MBP: variants seen among roughly 807,000 people sequenced by gnomAD.
MBP encodes Golli-MBP.
A neutral mutation model predicts 35.8 loss-of-function variants in MBP; 16 were observed. The observed-to-expected ratio is 0.45, with a 90% confidence interval of 0.30 to 0.68. MBP has a LOEUF of 0.68. Among genes scored for constraint, MBP ranks in the 30% least tolerant of loss-of-function variants. MBP has a pLI of 0.08. For synonymous variants in MBP, 143 were observed against 159.6 expected, an observed-to-expected ratio of 0.90 and a Z score of 0.78; for missense variants, 380 against 404.7, an observed-to-expected ratio of 0.94 and a Z score of 0.52.
intron 2 of MBP, among the ~76,000 whole-genome samples, chr18:77,093,880 C>T (rs1420542302): frequency 6.6e-6 from 1 of 152,220 alleles, no homozygotes. Context: ...AGTACCATGC[C>T]TTACGCTCAT....
chr18:77,036,476 G>C (rs571647405), intron 3 of MBP, among the ~76,000 whole-genome samples: 1 of 101,668 alleles, frequency 9.8e-6, no homozygotes, highest in South Asian at 4.1e-4. Context: ...ACATTTTGGA[G>C]GACTGAGCTG....
intron 1 of MBP, among the ~76,000 whole-genome samples, chr18:77,118,545 A>G (rs1976771147): frequency 6.6e-6 from 1 of 151,782 alleles, no homozygotes; most frequent in Admixed American, 6.6e-5. Context: ...ACAGACAGAG[A>G]CAGTGCGGAA....
chr18:77,127,208 G>A (rs1977078570), intron 1 of MBP: 1 of 152,188 alleles, frequency 6.6e-6, no homozygotes, highest in Non-Finnish European at 1.5e-5. Flanking sequence ...ACAGAATAGA[G>A]AACCCAGAAA....
At position 77,121,309 on chromosome 18, in the gene MBP, C is replaced by CAA. The variant is rs11331748; in HGVS notation, c.-26+11269_-26+11270dup. ...TGGGCAACAGAGGGAGACTGTGTCTCAAAAAAAAAAAAATAAATAAATAAG... is the reference window on the plus strand; with the variant it reads ...TGGGCAACAGAGGGAGACTGTGTCTCAAAAAAAAAAAAAAATAAATAAATAAG... On this transcript the variant is annotated intron_variant, in intron 1 of 8. Coordinates refer to ENST00000355994, the MANE Select transcript of MBP (RefSeq NM_001025101.2). Among the ~76,000 whole-genome samples the CAA allele has an allele frequency of 5.2e-4, 75 of 143,744 alleles. No homozygotes were observed. The East Asian group carries it at 7.9e-3, about 15-fold the overall frequency. The allele number at this position is 143,744 out of a possible 152,430, so 94.3% of individuals were successfully genotyped here. A position where few individuals can be genotyped will look rare whatever the true frequency, so the allele number is the denominator to read the frequency against.
intron 2 of MBP, among the ~76,000 whole-genome samples, chr18:77,098,910 ACCCCCTCCCCTCTTCCTT>A (rs1272325036): frequency 1.4e-5 from 2 of 147,562 alleles, no homozygotes; most frequent in Non-Finnish European, 3.0e-5. Flanking sequence ...CTGACCCACT[ACCCCCTCCCCTCTTCCTT>A]CCCCCTCCCT....
intron 3 of MBP, among the ~76,000 whole-genome samples, chr18:77,018,865 TATCCATCCATCC>T (rs200121847): frequency 0.071 from 8,914 of 125,126 alleles, 363 homozygotes; most frequent in East Asian, 0.17. Flanking sequence ...CTCATCCATC[TATCCATCCATCC>T]ATCCATCCAT....
intron 2 of MBP, among the ~76,000 whole-genome samples, chr18:77,081,846 A>ATG (rs1974946548): frequency 2.0e-5 from 1 of 49,226 alleles, no homozygotes; most frequent in African/African-American, 5.4e-5. Flanking sequence ...ACACACATAT[A>ATG]TATATATATA....
chr18:77,098,166 TC>T (rs1975842419), intron 2 of MBP, among the ~76,000 whole-genome samples: 1 of 104,060 alleles, frequency 9.6e-6, no homozygotes, highest in African/African-American at 3.1e-5. Context: ...CACAAGGACT[TC>T]CTTTTTTTTT....
At chr18:77,105,435 TCC>T (rs1976237487) in intron 1 of MBP, 149 bp from the exon 2 acceptor site, 9 of 538,768 alleles carry the variant, frequency 1.7e-5, no homozygotes, top group African/African-American at 1.3e-4. Context: ...AAGAGACACG[TCC>T]AAGTCATCTT....
chr18:77,018,964 T>TCCATC (rs1971850101), intron 3 of MBP, among the ~76,000 whole-genome samples: 33 of 122,576 alleles, frequency 2.7e-4, no homozygotes, highest in African/African-American at 6.1e-4. Context: ...ATCTATCCAT[T>TCCATC]CATCCATCCA....
chr18:77,049,959 C>T (rs1973417652), intron 3 of MBP, among the ~76,000 whole-genome samples: 1 of 152,140 alleles, frequency 6.6e-6, no homozygotes, highest in Non-Finnish European at 1.5e-5. Flanking sequence ...GGATTACAGG[C>T]GTGAGCCACT....
At chr18:77,091,866 C>T (rs575622688) in intron 2 of MBP, among the ~76,000 whole-genome samples, 14 of 152,112 alleles carry the variant, frequency 9.2e-5, no homozygotes, top group South Asian at 2.1e-4. Context: ...CATGTACACA[C>T]GTGCACATAC....
intron 2 of MBP, among the ~76,000 whole-genome samples, chr18:77,083,350 A>G (rs369428674): frequency 2.6e-5 from 4 of 152,228 alleles, no homozygotes; most frequent in Non-Finnish European, 4.4e-5. Context: ...GGAAAATTAC[A>G]ACGACGTCCA....
Position 76,989,065 on chromosome 18 carries a change from A to G in MBP, c.682-153T>C, listed in dbSNP as rs1969742602. 1.3e-6 allele frequency: 1 copy of G among 764,206 alleles called. No homozygotes were observed. Among genetic ancestry groups the G allele is most frequent in the Non-Finnish European group, 2.4e-6 (1 of 414,144 alleles). 47.3% of individuals were successfully genotyped at this position (764,206 alleles called of 1,614,324 possible). The stretch of plus-strand genomic sequence containing the variant: ...TCCCCACTTCTGTCCTAGTTGGTGA[A>G]GAAGTATAGACCTGAGATTGAAAAT... On this transcript the variant is annotated intron_variant, in intron 5 of 8. Coordinates refer to ENST00000355994, the MANE Select transcript of MBP (RefSeq NM_001025101.2). The surrounding 1 kb of genome is among the most constrained non-coding windows in gnomAD (Gnocchi z 4.0).
In MBP at chr18:77,101,793, C is replaced by G. The variant is rs575252326; in HGVS notation, c.51+3418G>C. Among the ~76,000 whole-genome samples, 1 of 152,176 alleles carries G rather than the reference C, an allele frequency of 6.6e-6. No homozygotes were observed. The highest frequency in any genetic ancestry group is 1.5e-5 in the Non-Finnish European group (1 of 68,032). On this transcript the variant is annotated intron_variant, in intron 2 of 8. Transcript: ENST00000355994. This position sits in a 1 kb window ranked among gnomAD's most constrained non-coding sequence, Gnocchi z 4.3. ...CCTGAGTCACTGAGGGCAAAACTTG[C>G]AAAGGAGACTGGAAGCTCCTGCAGG...
At chr18:76,992,586 T>G (rs1969999321) in intron 4 of MBP, among the ~76,000 whole-genome samples, 1 of 152,186 alleles carries the variant, frequency 6.6e-6, no homozygotes, top group Non-Finnish European at 1.5e-5. Flanking sequence ...CCAAAGCTCT[T>G]TGTCCCCTGG....
chr18:77,012,418 G>C (rs1314093523), intron 4 of MBP, among the ~76,000 whole-genome samples: 1 of 152,246 alleles, frequency 6.6e-6, no homozygotes, highest in Non-Finnish European at 1.5e-5. Flanking sequence ...GATGCTTTGA[G>C]AGAAACACAA....
chr18:76,980,086 G>A lies in MBP; in HGVS notation c.*341C>T, dbSNP rs1568258938. 4 of 697,710 alleles carry A rather than the reference G, an allele frequency of 5.7e-6. No individual in the cohort carries two copies. The highest frequency in any genetic ancestry group is 5.4e-5 in the East Asian group (2 of 37,262). The allele number at this position is 697,710 out of a possible 1,614,324, so 43.2% of individuals were successfully genotyped here. The stretch of plus-strand genomic sequence containing the variant: ...AGCGCAAGGGTGCCGCAGCCACGGC[G>A]AAAAGAAAGTCCAAGGGTGGAGGGG... On this transcript the variant is annotated 3_prime_UTR_variant, in exon 9 of 9. Coordinates refer to ENST00000355994, the MANE Select transcript of MBP (RefSeq NM_001025101.2).
intron 2 of MBP, among the ~76,000 whole-genome samples, chr18:77,076,466 G>A (rs1974655806): frequency 6.6e-6 from 1 of 152,224 alleles, no homozygotes; most frequent in Admixed American, 6.5e-5. Context: ...CCATGCCAAG[G>A]CCTCAGCTGC....
Sources: gnomAD v4.1 joint callset for allele counts (sites outside exome capture counted in the v4.1 genomes callset) on GRCh38, gnomAD v4.1.1 for gene constraint, Gnocchi (gnomAD v3.1) non-coding constraint, MANE v1.5 for transcripts, NCBI Gene and HGNC (gene_info 2026-07-23, HGNC 2026-07-21) for gene names.